The following SMG7 variants were observed in gnomAD, a reference collection of about 807,000 sequenced individuals.
The protein encoded by SMG7 is SMG7 nonsense mediated mRNA decay factor.
Under a neutral mutation model 148.2 loss-of-function variants are expected in SMG7, and 34 were observed. The ratio of observed to expected loss-of-function variants is 0.23; its 90% CI spans 0.17 to 0.31. The LOEUF (loss-of-function observed/expected upper bound fraction) is 0.31, where lower values mean the gene tolerates loss of function less well. SMG7 is among the 10% of genes least tolerant of loss of function. The pLI is 1.00. For missense variants in SMG7, 1,114 were observed against 1,408.4 expected, an observed-to-expected ratio of 0.79 and a Z score of 3.35; for synonymous variants, 492 against 515.1, an observed-to-expected ratio of 0.96 and a Z score of 0.61.
intron 1 of SMG7, among the ~76,000 whole-genome samples, chr1:183,495,939 T>C (rs924595436): frequency 2.0e-5 from 3 of 151,876 alleles, no homozygotes; most frequent in Admixed American, 6.6e-5. Context: ...TTTTAATATA[T>C]GAACTGTTGA....
At chr1:183,545,669 G>A (rs946372870) in intron 16 of SMG7, among the ~76,000 whole-genome samples, 2 of 152,170 alleles carry the variant, frequency 1.3e-5, no homozygotes, top group Non-Finnish European at 1.5e-5. Context: ...AAATGTTGTC[G>A]TTGGAAGCAC....
intron 1 of SMG7, among the ~76,000 whole-genome samples, chr1:183,506,446 G>A (rs982772410): frequency 1.3e-5 from 2 of 152,010 alleles, no homozygotes; most frequent in Non-Finnish European, 2.9e-5. Context: ...TTAATATTGC[G>A]AGACTTGATG....
chr1:183,542,426 A>G lies in SMG7; in HGVS notation c.1766A>G (p.Asn589Ser). 1 of 1,614,108 alleles carries G rather than the reference A, an allele frequency of 6.2e-7. No individual in the cohort carries two copies. Among genetic ancestry groups the G allele is most frequent in the South Asian group, 1.1e-5 (1 of 91,076 alleles). ...VTKNDGKKDN[N>S]KRKTETKKCT... ...AAGAATGATGGAAAGAAGGACAACA[A>G]CAAGAGGAAAACTGAAACCAAGAAA... The change falls in exon 14 of 23, where the codon AAC (asparagine) becomes AGC (serine). Residue 589 changes from asparagine to serine, a missense_variant. Coordinates refer to ENST00000688051, the MANE Select transcript of SMG7 (RefSeq NM_001375584.1).
intron 1 of SMG7, among the ~76,000 whole-genome samples, chr1:183,506,482 A>G (rs534481065): frequency 6.6e-6 from 1 of 152,278 alleles, no homozygotes; most frequent in South Asian, 2.1e-4. Context: ...ACGCATGTGC[A>G]CATTAAGTGC....
intron 12 of SMG7, among the ~76,000 whole-genome samples, chr1:183,539,117 A>C (rs189458377): frequency 6.6e-6 from 1 of 152,050 alleles, no homozygotes; most frequent in Admixed American, 6.5e-5. Context: ...ACGCCACTGC[A>C]CTCCAGCCTG....
At chr1:183,494,405 T>G (rs1056265849) in intron 1 of SMG7, among the ~76,000 whole-genome samples, 2 of 151,262 alleles carry the variant, frequency 1.3e-5, no homozygotes, top group Admixed American at 6.6e-5. Context: ...GACTTTTAAA[T>G]AAGTTTTAAA....
At chr1:183,519,084 T>C (rs1664190321) in intron 4 of SMG7, among the ~76,000 whole-genome samples, 1 of 152,146 alleles carries the variant, frequency 6.6e-6, no homozygotes, top group Admixed American at 6.5e-5. Flanking sequence ...TCCCAGCTAC[T>C]CTGGAGGCTG....
rs752319419 is a variant in SMG7 at position 183,553,225 on chromosome 1, G to A, written c.*1294G>A. 1 of 1,515,886 alleles carries A rather than the reference G, an allele frequency of 6.6e-7. No individual in the cohort carries two copies. Among genetic ancestry groups the A allele is most frequent in the Non-Finnish European group, 8.8e-7 (1 of 1,131,158 alleles). 93.9% of individuals were successfully genotyped at this position (1,515,886 alleles called of 1,614,324 possible). On this transcript the variant is annotated 3_prime_UTR_variant, in exon 23 of 23. Transcript: ENST00000688051. ...AAACTCTTTGTATGATATTTATTAG[G>A]AGGAAAGAGGACTGAAAATGTTCTT...
chr1:183,531,331 A>G (rs1666811943), intron 8 of SMG7, among the ~76,000 whole-genome samples: 1 of 152,102 alleles, frequency 6.6e-6, no homozygotes, highest in East Asian at 1.9e-4. Flanking sequence ...TGTAAGTTAA[A>G]TGTGGGCTGT....
At chr1:183,544,277 C>A in intron 14 of SMG7, 76 bp from the exon 15 acceptor site, 2 of 1,155,650 alleles carry the variant, frequency 1.7e-6, no homozygotes, top group East Asian at 4.7e-5. Flanking sequence ...TAAATACTTT[C>A]TTAGGAGTAG....
intron 1 of SMG7, among the ~76,000 whole-genome samples, chr1:183,486,094 G>A (rs1450326205): frequency 6.6e-6 from 1 of 152,016 alleles, no homozygotes; most frequent in Non-Finnish European, 1.5e-5. Context: ...ATTTTCTCAG[G>A]TAAATGAGTA....
intron 1 of SMG7, among the ~76,000 whole-genome samples, chr1:183,511,849 T>A: frequency 6.6e-6 from 1 of 152,312 alleles, no homozygotes; most frequent in South Asian, 2.1e-4. Flanking sequence ...AGTTAGTAGA[T>A]AACATTTTTT....
chr1:183,544,968 G>A lies in SMG7; in HGVS notation c.2026G>A (p.Ala676Thr). The stretch of plus-strand genomic sequence containing the variant: ...AACATATGTTATCCCCCCGCCTGTG[G>A]CATTTTCTATGGGCTCAGGTTACAC... ...PPTYVIPPPV[A>T]FSMGSGYTFP... Residue 676 changes from alanine (A) to threonine (T), a missense_variant, in exon 16 of 23, where the codon GCA (alanine) becomes ACA (threonine). Physicochemically the swap from Ala to Thr is moderately conservative, Grantham distance 58. This residue lies in a region of SMG7 where 788 missense variants were observed against 894.5 expected (regional missense o/e 0.88). Coordinates refer to ENST00000688051, the MANE Select transcript of SMG7 (RefSeq NM_001375584.1). 1 of 1,613,714 alleles carries A rather than the reference G, an allele frequency of 6.2e-7. No individual in the cohort carries two copies. Among genetic ancestry groups the A allele is most frequent in the Non-Finnish European group, 8.5e-7 (1 of 1,179,824 alleles).
At chr1:183,508,426 C>T (rs1304499065) in intron 1 of SMG7, among the ~76,000 whole-genome samples, 1 of 152,042 alleles carries the variant, frequency 6.6e-6, no homozygotes, top group Non-Finnish European at 1.5e-5. Context: ...CTCCTGGCTC[C>T]AGTGATCCTC....
intron 1 of SMG7, among the ~76,000 whole-genome samples, chr1:183,484,380 T>C (rs2102117013): frequency 6.9e-6 from 1 of 145,534 alleles, no homozygotes; most frequent in South Asian, 2.2e-4. Flanking sequence ...TTTTTTTTGG[T>C]CTACAATTGG....
intron 2 of SMG7, among the ~76,000 whole-genome samples, chr1:183,514,570 T>C (rs1344850767): frequency 6.6e-6 from 1 of 152,258 alleles, no homozygotes; most frequent in Admixed American, 6.5e-5. Flanking sequence ...TCAGGCTATC[T>C]GTACCATTTA....
chr1:183,477,604 A>G (rs1363171843), intron 1 of SMG7, among the ~76,000 whole-genome samples: 6 of 129,918 alleles, frequency 4.6e-5, no homozygotes, highest in Non-Finnish European at 1.0e-4. Context: ...ATGTGTATAT[A>G]TGCATATATA....
chr1:183,515,270 CTT>C (rs140840), intron 2 of SMG7, among the ~76,000 whole-genome samples: 13,863 of 152,176 alleles, frequency 0.091, 746 homozygotes, highest in Admixed American at 0.15. Context: ...ACAAAAGTAT[CTT>C]AGGAAACAGT....
chr1:183,543,752 T>C (rs1669388327), intron 14 of SMG7, among the ~76,000 whole-genome samples: 2 of 152,222 alleles, frequency 1.3e-5, no homozygotes, highest in African/African-American at 4.8e-5. Context: ...TGCTCAACTT[T>C]GAGCAGTGCA....
Sources: allele counts gnomAD v4.1 joint callset (sites outside exome capture counted in the v4.1 genomes callset), GRCh38; gene constraint gnomAD v4.1.1; regional missense constraint gnomAD v4.1.1; transcripts MANE v1.5; gene names NCBI Gene and HGNC (gene_info 2026-07-23, HGNC 2026-07-21).